Variants in STARD13 observed in about 807,000 individuals in gnomAD.
The protein encoded by STARD13 is StAR related lipid transfer domain containing 13.
Under a neutral mutation model 106.4 loss-of-function variants are expected in STARD13, and 62 were observed. The observed-to-expected ratio is 0.58, with a 90% CI of 0.48 to 0.72. The LOEUF is 0.72. Ranked by LOEUF, STARD13 falls within the 30% of genes least tolerant of loss-of-function variation. The pLI is 0.00. For missense variants in STARD13, 1,387 were observed against 1,424.0 expected (o/e 0.97, Z 0.42); for synonymous variants, 565 against 553.0 (o/e 1.02, Z -0.31).
chr13:33,109,923 A>C lies in STARD13; in HGVS notation c.2997T>G (p.Tyr999Ter). 6.2e-7 allele frequency: 1 copy of C among 1,614,258 alleles called. No homozygotes were observed. The highest frequency in any genetic ancestry group is 8.5e-7 in the Non-Finnish European group (1 of 1,180,048). The change falls in exon 12 of 14, where the codon TAT becomes TAG. Residue 999 changes from tyrosine (Y) to a stop codon, truncating the protein, a stop_gained. Transcript: ENST00000336934. LOFTEE classifies it high-confidence loss of function. ...TLDRQTEIYQ[Y>*]VLNSMAPHPS... is the part of the protein sequence containing the mutation. ...GATGGGGAGCCATGCTGTTCAGCACATACTGGTAGATCTCTGTTTGCCTGT... is the reference window on the plus strand; with the variant it reads ...GATGGGGAGCCATGCTGTTCAGCACCTACTGGTAGATCTCTGTTTGCCTGT...
chr13:33,377,595 G>A, the STARD13 span, among the ~76,000 whole-genome samples: 3 of 108,016 alleles, frequency 2.8e-5, no homozygotes, highest in Non-Finnish European at 3.8e-5. Flanking sequence ...CCCCACCCCC[G>A]CTTATACTCT....
chr13:33,540,674 T>C, the STARD13 span, among the ~76,000 whole-genome samples: 2 of 152,212 alleles, frequency 1.3e-5, no homozygotes, highest in Admixed American at 6.5e-5. Flanking sequence ...CAGACACAAA[T>C]AGATTCGATG....
intron 8 of STARD13, 159 bp downstream of exon 8, chr13:33,117,906 A>G: frequency 7.1e-7 from 1 of 1,401,162 alleles, no homozygotes; most frequent in Non-Finnish European, 9.2e-7. Context: ...TCCATATCAA[A>G]CTTTGAGCAA....
At chr13:33,319,985 C>T (rs1893494966) in intron 1 of STARD13, among the ~76,000 whole-genome samples, 1 of 152,208 alleles carries the variant, frequency 6.6e-6, no homozygotes, top group Non-Finnish European at 1.5e-5. Context: ...CACCTCATTC[C>T]ATCTCAACAT....
chr13:33,526,696 G>T, the STARD13 span, among the ~76,000 whole-genome samples: 1 of 145,932 alleles, frequency 6.9e-6, no homozygotes, highest in Non-Finnish European at 1.5e-5. Context: ...ACTAGAAGTG[G>T]TAATGCTTTG....
chr13:33,417,394 C>T, the STARD13 span, among the ~76,000 whole-genome samples: 172 of 152,186 alleles, frequency 1.1e-3, no homozygotes, highest in Admixed American at 1.6e-3. Flanking sequence ...GGAAAACTAA[C>T]GAAAGAAATG....
chr13:33,481,450 T>A, the STARD13 span, among the ~76,000 whole-genome samples: 1 of 152,336 alleles, frequency 6.6e-6, no homozygotes, highest in East Asian at 1.9e-4. Context: ...AGTCTATTTG[T>A]GCTTTTAGAT....
At chr13:33,583,839 C>T in the STARD13 span, among the ~76,000 whole-genome samples, 1 of 120,340 alleles carries the variant, frequency 8.3e-6, no homozygotes, top group Non-Finnish European at 1.7e-5. Flanking sequence ...CGCTCAGCAC[C>T]ATGCCTGGCC....
chr13:33,213,294 A>G (rs1450707653), intron 1 of STARD13, among the ~76,000 whole-genome samples: 2 of 152,194 alleles, frequency 1.3e-5, no homozygotes, highest in African/African-American at 4.8e-5. Flanking sequence ...GGCTTATATT[A>G]CCCAAAAGGA....
the STARD13 span, among the ~76,000 whole-genome samples, chr13:33,494,072 T>A: frequency 6.6e-6 from 1 of 152,214 alleles, no homozygotes; most frequent in Non-Finnish European, 1.5e-5. Flanking sequence ...CTTCCAAGTT[T>A]CCTTTGAAAC....
At chr13:33,538,811 C>T in the STARD13 span, among the ~76,000 whole-genome samples, 1 of 151,464 alleles carries the variant, frequency 6.6e-6, no homozygotes, top group Non-Finnish European at 1.5e-5. Flanking sequence ...GCTCTGTGAC[C>T]CAGGCTGGAG....
chr13:33,182,707 G>A (rs549543497), intron 1 of STARD13, among the ~76,000 whole-genome samples: 29 of 152,364 alleles, frequency 1.9e-4, no homozygotes, highest in African/African-American at 6.7e-4. Flanking sequence ...TGGGCTGGAC[G>A]AGCTTGGTTT....
the STARD13 span, among the ~76,000 whole-genome samples, chr13:33,377,969 G>T: frequency 6.6e-6 from 1 of 152,186 alleles, no homozygotes; most frequent in Non-Finnish European, 1.5e-5. Context: ...AATTCTGGTA[G>T]GAATGTTGGG....
chr13:33,384,279 G>A, the STARD13 span, among the ~76,000 whole-genome samples: 2 of 152,156 alleles, frequency 1.3e-5, no homozygotes, highest in Admixed American at 1.3e-4. Context: ...TTACTTGGTG[G>A]CTGTTGAACG....
chr13:33,153,604 C>T (rs1391719154), intron 3 of STARD13, among the ~76,000 whole-genome samples: 1 of 152,210 alleles, frequency 6.6e-6, no homozygotes, highest in Non-Finnish European at 1.5e-5. Context: ...CCCAGCGGCC[C>T]TCTGCCTACA....
At chr13:33,146,999 C>A (rs1050861059) in intron 3 of STARD13, among the ~76,000 whole-genome samples, 1 of 152,210 alleles carries the variant, frequency 6.6e-6, no homozygotes, top group African/African-American at 2.4e-5. Context: ...TTGTCATTAT[C>A]TGAGCTGTCT....
At chr13:33,461,896 T>C in the STARD13 span, among the ~76,000 whole-genome samples, 1 of 152,184 alleles carries the variant, frequency 6.6e-6, no homozygotes, top group Non-Finnish European at 1.5e-5. Flanking sequence ...AAGTCCAGAA[T>C]AGTTTAGTTA....
the STARD13 span, among the ~76,000 whole-genome samples, chr13:33,568,825 T>A: frequency 2.7e-5 from 4 of 148,544 alleles, no homozygotes; most frequent in Admixed American, 2.8e-4. Context: ...TTACTAACTA[T>A]ATGTGTACAT....
At chr13:33,520,411 T>C in the STARD13 span, among the ~76,000 whole-genome samples, 7 of 152,062 alleles carry the variant, frequency 4.6e-5, no homozygotes, top group African/African-American at 1.7e-4. Flanking sequence ...TCCTGGCAAA[T>C]AGTTCCCAAA....
Sources: allele counts gnomAD v4.1 joint callset (sites outside exome capture counted in the v4.1 genomes callset), GRCh38; gene constraint gnomAD v4.1.1; transcripts MANE v1.5; gene names NCBI Gene and HGNC (gene_info 2026-07-23, HGNC 2026-07-21).